Variants in PRORP observed in about 807,000 individuals in gnomAD.
PRORP encodes mitochondrial ribonuclease P catalytic subunit.
A neutral mutation model predicts 59.4 loss-of-function variants in PRORP; 51 were observed. The ratio of observed to expected loss-of-function variants is 0.86; its 90% CI spans 0.69 to 1.08. The LOEUF is 1.08. PRORP is among the 50% of genes least tolerant of loss of function. The probability of loss-of-function intolerance (pLI) is 0.00; values close to 1 mark genes in which losing one functional copy is unlikely to be tolerated. For synonymous variants in PRORP, 231 were observed against 245.6 expected, an observed-to-expected ratio of 0.94 and a Z score of 0.55; for missense variants, 646 against 690.3, an observed-to-expected ratio of 0.94 and a Z score of 0.72.
intron 4 of PRORP, among the ~76,000 whole-genome samples, chr14:35,145,401 T>A (rs1026409415): frequency 7.2e-6 from 1 of 139,044 alleles, no homozygotes; most frequent in Non-Finnish European, 1.6e-5. Context: ...AAGGGGAAAA[T>A]TTTTTTTTTG....
intron 4 of PRORP, among the ~76,000 whole-genome samples, chr14:35,139,623 A>G (rs1424121095): frequency 6.9e-6 from 1 of 145,724 alleles, no homozygotes. Context: ...TACAATTTGT[A>G]CATTTGTTGA....
At chr14:35,263,863 T>C (rs2138647087) in intron 5 of PRORP, among the ~76,000 whole-genome samples, 1 of 152,282 alleles carries the variant, frequency 6.6e-6, no homozygotes, top group Admixed American at 6.5e-5. Flanking sequence ...TATATTTTAC[T>C]AGTTGTAAAT....
chr14:35,153,418 C>A (rs1289904222), intron 4 of PRORP, among the ~76,000 whole-genome samples: 1 of 133,364 alleles, frequency 7.5e-6, no homozygotes, highest in Non-Finnish European at 1.7e-5. Context: ...AGAGAGGGAT[C>A]TCTAATTTTT....
chr14:35,227,930 GTCAGGAGT>G (rs111402317), intron 5 of PRORP, among the ~76,000 whole-genome samples: 5,214 of 152,090 alleles, frequency 0.034, 305 homozygotes, highest in African/African-American at 0.12. Flanking sequence ...GGATCACAAG[GTCAGGAGT>G]TCGAGACCAG....
At chr14:35,243,609 T>C (rs1409844138) in intron 5 of PRORP, among the ~76,000 whole-genome samples, 1 of 152,010 alleles carries the variant, frequency 6.6e-6, no homozygotes, top group Admixed American at 6.6e-5. Context: ...AATTGAGAGT[T>C]ATATGCTACA....
intron 2 of PRORP, 101 bp from the exon 3 acceptor site, chr14:35,126,634 T>C: frequency 1.2e-6 from 1 of 857,102 alleles, no homozygotes; most frequent in Non-Finnish European, 1.8e-6. Flanking sequence ...TCTTGAACTT[T>C]TCGGACTTCT....
chr14:35,153,338 C>T (rs1478945980), intron 4 of PRORP, among the ~76,000 whole-genome samples: 1 of 152,210 alleles, frequency 6.6e-6, no homozygotes, highest in African/African-American at 2.4e-5. Flanking sequence ...GAGATGGCAG[C>T]AGTACAGTCC....
intron 5 of PRORP, among the ~76,000 whole-genome samples, chr14:35,198,044 CTA>C (rs1255858536): frequency 2.6e-5 from 4 of 152,040 alleles, no homozygotes; most frequent in Non-Finnish European, 5.9e-5. Context: ...TTTCTCTTTC[CTA>C]AAGAGATTCT....
At chr14:35,211,366 A>G (rs2049441230) in intron 5 of PRORP, among the ~76,000 whole-genome samples, 1 of 152,092 alleles carries the variant, frequency 6.6e-6, no homozygotes, top group African/African-American at 2.4e-5. Flanking sequence ...GGCCTCTTTT[A>G]TTTACTGCTA....
chr14:35,252,461 A>G (rs1359948576), intron 5 of PRORP, among the ~76,000 whole-genome samples: 1 of 152,132 alleles, frequency 6.6e-6, no homozygotes, highest in Admixed American at 6.6e-5. Context: ...AAACAAATTA[A>G]AAAGAAGGCA....
chr14:35,243,556 G>A (rs534347191), intron 5 of PRORP, among the ~76,000 whole-genome samples: 55 of 151,846 alleles, frequency 3.6e-4, no homozygotes, highest in African/African-American at 1.3e-3. Flanking sequence ...AAAGAATAAG[G>A]GACAGGTTTA....
intron 4 of PRORP, among the ~76,000 whole-genome samples, chr14:35,169,260 C>T (rs1192509307): frequency 1.3e-5 from 2 of 151,818 alleles, no homozygotes; most frequent in East Asian, 1.9e-4. Context: ...TTTAGGAATA[C>T]TTGGGGCTTT....
intron 5 of PRORP, among the ~76,000 whole-genome samples, chr14:35,199,053 A>G (rs2049078178): frequency 1.3e-5 from 2 of 152,302 alleles, no homozygotes; most frequent in Non-Finnish European, 2.9e-5. Context: ...CTGTAATCCC[A>G]GCTACTCCGG....
chr14:35,233,887 A>T (rs1316549737), intron 5 of PRORP, among the ~76,000 whole-genome samples: 1 of 152,150 alleles, frequency 6.6e-6, no homozygotes, highest in Non-Finnish European at 1.5e-5. Context: ...CAATTCATAT[A>T]TTTATTAGGA....
intron 4 of PRORP, among the ~76,000 whole-genome samples, chr14:35,180,119 G>A (rs969811967): frequency 2.6e-5 from 4 of 152,300 alleles, no homozygotes; most frequent in Middle Eastern, 3.4e-3. Context: ...GTACCCGGCC[G>A]TGTGAGGTGT....
In PRORP at chr14:35,127,493, G is replaced by A; in HGVS notation, c.1049G>A (p.Gly350Asp). 6.2e-7 allele frequency: 1 copy of A among 1,606,418 alleles called. No homozygotes were observed. The highest frequency in any genetic ancestry group is 8.5e-7 in the Non-Finnish European group (1 of 1,176,268). Residue 350 changes from glycine (G) to aspartate (D), a missense_variant, in exon 4 of 8, where the codon GGC (glycine) becomes GAC (aspartate). Physicochemically the swap from Gly to Asp is moderately conservative, Grantham distance 94. Transcript: ENST00000534898. ...TATAATTACAGTGGCCAGTGTTCGG[G>A]CTGTGGAAAAACCATAGAGTCTATT... Reference protein sequence around the residue: ...TTVRKSGQCSGCGKTIESIQL... With the variant: ...TTVRKSGQCSDCGKTIESIQL...
chr14:35,232,533 A>G (rs1381719506), intron 5 of PRORP, among the ~76,000 whole-genome samples: 1 of 152,168 alleles, frequency 6.6e-6, no homozygotes, highest in African/African-American at 2.4e-5. Context: ...TTAGCCTGCC[A>G]ATTAAGAAGA....
chr14:35,136,566 G>A lies in PRORP; in HGVS notation c.1167+8955G>A, dbSNP rs1176079720. On this transcript the variant is annotated intron_variant, in intron 4 of 7. Transcript: ENST00000534898. ...ATTTTGTATTTTTAGTAGAGACGGG[G>A]GTTTCTCCATATTGGTGAGGCTGGT... Among the ~76,000 whole-genome samples the A allele has an allele frequency of 2.8e-5, 4 of 144,678 alleles. 2 individuals are homozygous for A. The highest frequency in any genetic ancestry group is 6.1e-5 in the Non-Finnish European group (4 of 65,204). The allele number at this position is 144,678 out of a possible 152,430, so 94.9% of individuals were successfully genotyped here. A position where few individuals can be genotyped will look rare whatever the true frequency, so the allele number is the denominator to read the frequency against.
intron 7 of PRORP, among the ~76,000 whole-genome samples, chr14:35,271,765 C>T (rs763809522): frequency 2.0e-5 from 3 of 152,178 alleles, no homozygotes; most frequent in Non-Finnish European, 2.9e-5. Context: ...TGGCTCACAC[C>T]TGTAATCTCA....
Sources: allele counts gnomAD v4.1 joint callset (sites outside exome capture counted in the v4.1 genomes callset), GRCh38; gene constraint gnomAD v4.1.1; transcripts MANE v1.5; gene names NCBI Gene and HGNC (gene_info 2026-07-23, HGNC 2026-07-21).